Variants in TNS1 observed in about 807,000 individuals in gnomAD.
TNS1 encodes tensin 1.
In TNS1, 62 loss-of-function variants were observed where a neutral mutation model predicts 168.6. The ratio of observed to expected loss-of-function variants is 0.37; its 90% CI spans 0.30 to 0.45. TNS1 has a LOEUF of 0.45. Ranked by LOEUF, TNS1 falls within the 20% of genes least tolerant of loss-of-function variation. TNS1 has a pLI of 1.00. For synonymous variants in TNS1, 934 were observed against 933.2 expected, an observed-to-expected ratio of 1.00 and a Z score of -0.02; for missense variants, 2,240 against 2,339.4, an observed-to-expected ratio of 0.96 and a Z score of 0.88.
At chr2:217,868,907 C>T (rs1454505925) in intron 18 of TNS1, among the ~76,000 whole-genome samples, 4 of 152,330 alleles carry the variant, frequency 2.6e-5, no homozygotes, top group South Asian at 2.1e-4. Flanking sequence ...TGGAGGCAGC[C>T]GATTACTGAA....
chr2:217,989,689 G>T (rs961832137), intron 2 of TNS1, among the ~76,000 whole-genome samples: 1 of 152,060 alleles, frequency 6.6e-6, no homozygotes, highest in African/African-American at 2.4e-5. Context: ...CAGGTCCTCC[G>T]CTGAGTCTGA....
chr2:217,841,144 C>T (rs1261176147), intron 19 of TNS1: 2 of 872,112 alleles, frequency 2.3e-6, no homozygotes, highest in African/African-American at 1.8e-5. Context: ...GAAACTGATG[C>T]TCAAAAGTGG....
intron 18 of TNS1, chr2:217,858,392 A>T: frequency 2.2e-6 from 1 of 458,516 alleles, no homozygotes; most frequent in Non-Finnish European, 2.9e-6. Flanking sequence ...CTGCCCCTCC[A>T]CACCCTCCCA....
At chr2:217,841,298 C>A in intron 19 of TNS1, 2 of 984,558 alleles carry the variant, frequency 2.0e-6, no homozygotes, top group Non-Finnish European at 2.4e-6. Flanking sequence ...GCCCACCCCC[C>A]ACCCCAGGGG....
Position 217,813,606 on chromosome 2 carries a change from TG to T in TNS1, c.4861+78del. On this transcript the variant is annotated intron_variant, in intron 26 of 32. Transcript: ENST00000682258. This position sits in a 1 kb window ranked among gnomAD's most constrained non-coding sequence, Gnocchi z 4.0. The stretch of plus-strand genomic sequence containing the variant: ...GGAGTTAAGGTCCTGCCCAGCACCC[TG>T]GGTCCCTCCAGCACCTCCAGGTTTA... 6.5e-7 allele frequency: 1 copy of T among 1,527,562 alleles called. No homozygotes were observed. Among genetic ancestry groups the T allele is most frequent in the Non-Finnish European group, 8.8e-7 (1 of 1,137,208 alleles). The allele number at this position is 1,527,562 out of a possible 1,614,324, so 94.6% of individuals were successfully genotyped here.
In TNS1 at chr2:217,821,770, G is replaced by C. The variant is rs763593785; in HGVS notation, c.3542C>G (p.Ser1181Cys). The C allele has an allele frequency of 4.6e-6, 7 of 1,506,276 alleles. No homozygotes were observed. Among genetic ancestry groups the C allele is most frequent in the Non-Finnish European group, 6.2e-6 (7 of 1,130,762 alleles). 93.3% of individuals were successfully genotyped at this position (1,506,276 alleles called of 1,614,324 possible). The change falls in exon 23 of 33, where the codon TCC (serine) becomes TGC (cysteine). Residue 1181 changes from serine to cysteine, a missense_variant. Around this residue, in one of 2 missense-constraint regions of TNS1, gnomAD observed 2,131 missense variants for 2,171.2 expected, o/e 0.98. Transcript: ENST00000682258. ...AGCACTGAGGATGGGGCTGCTGGTG[G>C]AGAGGGGGCTGGGGGAGACAAAGGA... ...GGSFVSPSPLSTSSPILSADS... is the reference protein window; with the variant it reads ...GGSFVSPSPLCTSSPILSADS...
At chr2:217,852,996 C>A (rs947239989) in intron 18 of TNS1, among the ~76,000 whole-genome samples, 4 of 152,034 alleles carry the variant, frequency 2.6e-5, no homozygotes, top group Non-Finnish European at 4.4e-5. Flanking sequence ...TGCTGAAACC[C>A]CAGCATAGCA....
At chr2:217,930,631 G>T (rs554462440) in intron 3 of TNS1, among the ~76,000 whole-genome samples, 1 of 152,332 alleles carries the variant, frequency 6.6e-6, no homozygotes, top group East Asian at 1.9e-4. Flanking sequence ...GCTCTGAGCT[G>T]GTCAGGGAGC....
chr2:217,807,363 T>C (rs2125059563), intron 32 of TNS1, among the ~76,000 whole-genome samples: 1 of 152,336 alleles, frequency 6.6e-6, no homozygotes, highest in South Asian at 2.1e-4. Flanking sequence ...AAACCCTAGT[T>C]ACTGCTGATA....
rs1177545644 is a variant in TNS1 at position 217,801,746 on chromosome 2, G to T, written c.*2713C>A. On this transcript the variant is annotated 3_prime_UTR_variant, in exon 33 of 33. Coordinates refer to ENST00000682258, the MANE Select transcript of TNS1 (RefSeq NM_001387777.1). ...TGCACAGCCCGCCGTGACACAGAAG[G>T]GCTCTGGTGCAGGGCCCAGAGGTGG... 1 of 152,276 alleles carries T rather than the reference G, an allele frequency of 6.6e-6. No individual in the cohort carries two copies. The highest frequency in any genetic ancestry group is 1.5e-5 in the Non-Finnish European group (1 of 68,072). The allele number at this position is 152,276 out of a possible 1,614,324, so 9.4% of individuals were successfully genotyped here. A position where few individuals can be genotyped will look rare whatever the true frequency, so the allele number is the denominator to read the frequency against.
chr2:217,901,164 A>T (rs1196404063), intron 6 of TNS1, among the ~76,000 whole-genome samples: 1 of 152,164 alleles, frequency 6.6e-6, no homozygotes, highest in African/African-American at 2.4e-5. Flanking sequence ...AATGGGCCCA[A>T]TCCATCCCAG....
intron 18 of TNS1, among the ~76,000 whole-genome samples, chr2:217,878,449 T>C (rs959293023): frequency 1.3e-5 from 2 of 151,854 alleles, no homozygotes; most frequent in East Asian, 3.9e-4. Flanking sequence ...CTGGGGCAGG[T>C]TACTTAACCC....
chr2:217,805,644 T>TCA (rs1290748111), intron 32 of TNS1, among the ~76,000 whole-genome samples: 1 of 6,126 alleles, frequency 1.6e-4, no homozygotes, highest in Non-Finnish European at 3.3e-4. Context: ...CCCACACACA[T>TCA]CACACACACA....
At chr2:217,876,474 C>G (rs1950215949) in intron 18 of TNS1, among the ~76,000 whole-genome samples, 2 of 152,268 alleles carry the variant, frequency 1.3e-5, no homozygotes, top group Non-Finnish European at 2.9e-5. Context: ...AAGGAGGGAA[C>G]CAGACCTCTC....
intron 3 of TNS1, among the ~76,000 whole-genome samples, chr2:217,964,459 T>C (rs994467753): frequency 2.6e-5 from 4 of 152,202 alleles, no homozygotes; most frequent in African/African-American, 9.7e-5. Flanking sequence ...CGGTCCTGGT[T>C]CCACCACCTT....
chr2:217,931,257 G>A (rs1003346696), intron 3 of TNS1, among the ~76,000 whole-genome samples: 21 of 152,322 alleles, frequency 1.4e-4, no homozygotes, highest in African/African-American at 3.8e-4. Context: ...GAGCGAGGCT[G>A]CCCACCCCAA....
At chr2:218,012,769 A>G (rs1293402730), upstream of TNS1, among the ~76,000 whole-genome samples, 1 of 152,182 alleles carries the variant, frequency 6.6e-6, no homozygotes, top group Non-Finnish European at 1.5e-5. Context: ...TAACAGCTGC[A>G]GGGTCCCCAG....
rs1195199579 is a variant in TNS1, at chr2:217,961,591, T to C, written c.186+17174A>G. On this transcript the variant is annotated intron_variant, in intron 3 of 32. Transcript: ENST00000682258. ...CATCTTACAAATGAAAGGAGGGATT[T>C]GCACAAACCCTCACAGAGAGTGGGA... Among the ~76,000 whole-genome samples, 3 of 152,150 alleles carry C rather than the reference T, an allele frequency of 2.0e-5. No homozygotes were observed. The East Asian group carries it at 5.8e-4, about 29-fold the overall frequency.
chr2:217,937,473 G>A (rs2125925108), intron 3 of TNS1, among the ~76,000 whole-genome samples: 1 of 152,194 alleles, frequency 6.6e-6, no homozygotes, highest in South Asian at 2.1e-4. Context: ...CCCCATGCCA[G>A]CCCCCCTTCC....
Sources: allele counts gnomAD v4.1 joint callset (sites outside exome capture counted in the v4.1 genomes callset), GRCh38; gene constraint gnomAD v4.1.1; regional missense constraint gnomAD v4.1.1; non-coding constraint Gnocchi (gnomAD v3.1); transcripts MANE v1.5; gene names NCBI Gene and HGNC (gene_info 2026-07-23, HGNC 2026-07-21).